TMEM117: variants seen among roughly 807,000 people sequenced by gnomAD.
The protein encoded by TMEM117 is transmembrane protein 117.
TMEM117 carries 27 observed loss-of-function variants against 52.4 expected under a neutral mutation model. That is an observed-to-expected ratio of 0.51 (90% CI 0.38 to 0.71). The LOEUF (loss-of-function observed/expected upper bound fraction) is 0.71. TMEM117 is among the 30% of genes least tolerant of loss of function. TMEM117 has a pLI of 0.00. For missense variants in TMEM117, 556 were observed against 630.5 expected, an observed-to-expected ratio of 0.88 and a Z score of 1.26; for synonymous variants, 215 against 206.3, an observed-to-expected ratio of 1.04 and a Z score of -0.36.
chr12:44,320,089 T>C (rs2094909823), intron 6 of TMEM117, among the ~76,000 whole-genome samples: 1 of 152,246 alleles, frequency 6.6e-6, no homozygotes, highest in African/African-American at 2.4e-5. Context: ...TCCACCTGGA[T>C]GTTTACGTGG....
intron 5 of TMEM117, among the ~76,000 whole-genome samples, chr12:44,286,395 C>A (rs1174395795): frequency 1.3e-5 from 2 of 151,648 alleles, no homozygotes; most frequent in African/African-American, 4.8e-5. Flanking sequence ...AAAAAATCGT[C>A]AAATTTTGGC....
intron 2 of TMEM117, among the ~76,000 whole-genome samples, chr12:43,885,439 G>T (rs1943976133): frequency 8.5e-6 from 1 of 117,080 alleles, no homozygotes; most frequent in Admixed American, 1.0e-4. Context: ...TTGATATCCA[G>T]ATACAGTTTA....
At chr12:44,171,775 A>G (rs1407164018) in intron 4 of TMEM117, among the ~76,000 whole-genome samples, 3 of 152,168 alleles carry the variant, frequency 2.0e-5, no homozygotes, top group Non-Finnish European at 2.9e-5. Flanking sequence ...AAATATCAAG[A>G]CTGGGAGAGG....
intron 4 of TMEM117, among the ~76,000 whole-genome samples, chr12:44,177,758 A>G (rs772645013): frequency 6.6e-6 from 1 of 152,162 alleles, no homozygotes; most frequent in Non-Finnish European, 1.5e-5. Flanking sequence ...GAATTTCATG[A>G]TTATTTTGTT....
At chr12:43,974,719 A>G (rs552263160) in intron 3 of TMEM117, among the ~76,000 whole-genome samples, 1 of 152,250 alleles carries the variant, frequency 6.6e-6, no homozygotes, top group South Asian at 2.1e-4. Context: ...TCATGTATTT[A>G]ATATAATTTC....
intron 2 of TMEM117, among the ~76,000 whole-genome samples, chr12:43,851,614 G>T (rs947884026): frequency 2.0e-5 from 3 of 152,092 alleles, no homozygotes; most frequent in African/African-American, 7.2e-5. Flanking sequence ...GCTTATTCAA[G>T]AAATAATTTT....
At chr12:44,205,201 ATAAT>A (rs1949548780) in intron 4 of TMEM117, among the ~76,000 whole-genome samples, 2 of 152,168 alleles carry the variant, frequency 1.3e-5, no homozygotes, top group African/African-American at 4.8e-5. Flanking sequence ...GCCAGTGGAG[ATAAT>A]TAATCATGGG....
intron 3 of TMEM117, among the ~76,000 whole-genome samples, chr12:44,118,508 A>G (rs1246914060): frequency 1.3e-5 from 2 of 152,218 alleles, no homozygotes; most frequent in East Asian, 3.8e-4. Context: ...CAATTGTATA[A>G]TAACCTCAGA....
chr12:43,910,707 A>G (rs1944483616), intron 2 of TMEM117, among the ~76,000 whole-genome samples: 1 of 123,416 alleles, frequency 8.1e-6, no homozygotes, highest in Non-Finnish European at 1.7e-5. Flanking sequence ...AACAACAGAC[A>G]AACAGAGAGC....
At chr12:43,850,336 A>T (rs1471745321) in intron 2 of TMEM117, among the ~76,000 whole-genome samples, 1 of 152,228 alleles carries the variant, frequency 6.6e-6, no homozygotes, top group Non-Finnish European at 1.5e-5. Flanking sequence ...TTTGACCTGC[A>T]GAACCACCAA....
At chr12:44,169,333 C>G (rs1949012916) in intron 4 of TMEM117, among the ~76,000 whole-genome samples, 1 of 152,344 alleles carries the variant, frequency 6.6e-6, no homozygotes, top group East Asian at 1.9e-4. Flanking sequence ...TCCAGTTTCT[C>G]TATGTTCTCA....
chr12:44,025,920 G>T (rs974390993), intron 3 of TMEM117, among the ~76,000 whole-genome samples: 6 of 152,054 alleles, frequency 3.9e-5, no homozygotes, highest in African/African-American at 1.4e-4. Flanking sequence ...ACCCATAGAG[G>T]TATGTGTATA....
chr12:44,187,076 G>A (rs1252804659), intron 4 of TMEM117, among the ~76,000 whole-genome samples: 2 of 152,070 alleles, frequency 1.3e-5, no homozygotes. Context: ...AATTCTCAAG[G>A]CAGACAAGTT....
At chr12:44,100,332 G>A (rs1253987519) in intron 3 of TMEM117, among the ~76,000 whole-genome samples, 3 of 151,886 alleles carry the variant, frequency 2.0e-5, no homozygotes, top group East Asian at 1.9e-4. Context: ...TGGAATACTG[G>A]TCATTTTTTT....
intron 2 of TMEM117, among the ~76,000 whole-genome samples, chr12:43,905,654 G>A (rs1259112714): frequency 6.6e-6 from 1 of 152,156 alleles, no homozygotes; most frequent in African/African-American, 2.4e-5. Flanking sequence ...ATTAGAGAAG[G>A]ATGGAGACTT....
intron 3 of TMEM117, among the ~76,000 whole-genome samples, chr12:43,998,821 A>G (rs940320625): frequency 6.6e-6 from 1 of 152,222 alleles, no homozygotes; most frequent in Non-Finnish European, 1.5e-5. Flanking sequence ...CAGTATATGT[A>G]TCTAACAACT....
chr12:44,393,810 G>C (rs1198275365), downstream of TMEM117, among the ~76,000 whole-genome samples: 1 of 152,168 alleles, frequency 6.6e-6, no homozygotes, highest in African/African-American at 2.4e-5. Context: ...AAACAGATAA[G>C]GTCAAATTAA....
intron 5 of TMEM117, among the ~76,000 whole-genome samples, chr12:44,236,726 A>C (rs1950001512): frequency 6.6e-6 from 1 of 152,080 alleles, no homozygotes; most frequent in Non-Finnish European, 1.5e-5. Context: ...TTCAGGCATA[A>C]GAGGATAGCT....
At chr12:43,937,063 A>G (rs1944963548) in intron 2 of TMEM117, among the ~76,000 whole-genome samples, 1 of 152,186 alleles carries the variant, frequency 6.6e-6, no homozygotes, top group African/African-American at 2.4e-5. Flanking sequence ...TTAAAAAGGC[A>G]CAGGTAGGGT....
Sources: gnomAD v4.1 joint callset for allele counts (sites outside exome capture counted in the v4.1 genomes callset) on GRCh38, gnomAD v4.1.1 for gene constraint, MANE v1.5 for transcripts, NCBI Gene and HGNC (gene_info 2026-07-23, HGNC 2026-07-21) for gene names.